The following HPSE2 variants were observed in gnomAD, a reference collection of about 807,000 sequenced individuals.
The protein encoded by HPSE2 is inactive heparanase-2.
HPSE2 carries 38 observed loss-of-function variants against 60.5 expected under a neutral mutation model. That is an observed-to-expected ratio of 0.63 (90% CI 0.48 to 0.82). HPSE2 has a LOEUF of 0.82. Among genes scored for constraint, HPSE2 ranks in the 40% least tolerant of loss-of-function variants. The pLI, the probability that HPSE2 is intolerant of heterozygous loss-of-function variation, is 0.00. For missense variants in HPSE2, 713 were observed against 740.4 expected, an observed-to-expected ratio of 0.96 and a Z score of 0.43; for synonymous variants, 295 against 293.2, an observed-to-expected ratio of 1.01 and a Z score of -0.06.
At chr10:99,133,258 C>T (rs1172213135) in intron 3 of HPSE2, among the ~76,000 whole-genome samples, 1 of 152,188 alleles carries the variant, frequency 6.6e-6, no homozygotes, top group African/African-American at 2.4e-5. Flanking sequence ...ATAGATAAAA[C>T]CCCCATCTCC....
rs370041551 is a variant in HPSE2 at position 98,685,215 on chromosome 10, C to T, written c.1004+8685G>A. ...ACTTTGGTACACTTCATCCTGAACA[C>T]GTCATCAGGCAAACCACTAATCAGA... is the stretch of plus-strand genomic sequence containing the variant. On this transcript the variant is annotated intron_variant, in intron 6 of 11. Transcript: ENST00000370552. Among the ~76,000 whole-genome samples the T allele has an allele frequency of 5.4e-4, 82 of 152,254 alleles. 2 individuals carry two copies. In the South Asian group the frequency reaches 0.016, roughly 30 times the overall value.
At chr10:99,200,342 G>C (rs966421607) in intron 2 of HPSE2, among the ~76,000 whole-genome samples, 2 of 152,020 alleles carry the variant, frequency 1.3e-5, no homozygotes, top group Admixed American at 6.5e-5. Flanking sequence ...CCTATAACCA[G>C]ATTTCTCGTT....
intron 3 of HPSE2, among the ~76,000 whole-genome samples, chr10:98,865,842 G>A (rs916113258): frequency 5.9e-5 from 9 of 152,072 alleles, no homozygotes; most frequent in Non-Finnish European, 8.8e-5. Flanking sequence ...CAGTTATGGA[G>A]AATATTAGCT....
chr10:98,899,371 TAAC>T (rs1212317357), intron 3 of HPSE2, among the ~76,000 whole-genome samples: 1 of 152,050 alleles, frequency 6.6e-6, no homozygotes, highest in African/African-American at 2.4e-5. Context: ...GAGAATGAAA[TAAC>T]AAGTAACACA....
At chr10:98,634,967 A>G (rs2134019422) in intron 7 of HPSE2, among the ~76,000 whole-genome samples, 2 of 152,312 alleles carry the variant, frequency 1.3e-5, no homozygotes, top group Admixed American at 1.3e-4. Context: ...TCACAAACTA[A>G]GGTGGGTACT....
intron 9 of HPSE2, among the ~76,000 whole-genome samples, chr10:98,542,856 T>C (rs1194171904): frequency 6.6e-6 from 1 of 152,190 alleles, no homozygotes; most frequent in Non-Finnish European, 1.5e-5. Context: ...GTCTGATTGG[T>C]GTACCTGAAA....
chr10:98,809,148 T>C (rs146047992), intron 3 of HPSE2, among the ~76,000 whole-genome samples: 1 of 152,260 alleles, frequency 6.6e-6, no homozygotes, highest in African/African-American at 2.4e-5. Context: ...CAAAGGTTCA[T>C]TTGCAAATAT....
chr10:99,201,177 T>A (rs1283449563), intron 2 of HPSE2, among the ~76,000 whole-genome samples: 2 of 152,178 alleles, frequency 1.3e-5, no homozygotes, highest in African/African-American at 4.8e-5. Flanking sequence ...ATGTCTCCCT[T>A]TCATACTGCA....
intron 3 of HPSE2, among the ~76,000 whole-genome samples, chr10:99,075,765 A>G (rs1286842920): frequency 3.9e-5 from 6 of 151,998 alleles, no homozygotes; most frequent in African/African-American, 1.4e-4. Context: ...TTACTCTTTT[A>G]TTATTATATA....
chr10:98,923,601 G>T lies in HPSE2; in HGVS notation c.611-179545C>A, dbSNP rs901664543. On this transcript the variant is annotated intron_variant, in intron 3 of 11. Transcript: ENST00000370552. ...TTCTTTTTTATTCTTTTTCCCTTTTGTCTCCTCTGACTGTGTATTTTCAAA... is the reference window on the plus strand; with the variant it reads ...TTCTTTTTTATTCTTTTTCCCTTTTTTCTCCTCTGACTGTGTATTTTCAAA... 7.3e-5 allele frequency among the ~76,000 whole-genome samples: 11 copies of T among 150,484 alleles called. No individual in the cohort carries two copies. The South Asian group carries it at 8.4e-4, about 11-fold the overall frequency.
chr10:99,270,635 T>A, the HPSE2 span, among the ~76,000 whole-genome samples: 1 of 152,180 alleles, frequency 6.6e-6, no homozygotes, highest in African/African-American at 2.4e-5. Flanking sequence ...AATTATTCTA[T>A]GAAGCCAGTA....
chr10:99,297,543 T>C, the HPSE2 span, among the ~76,000 whole-genome samples: 1 of 152,228 alleles, frequency 6.6e-6, no homozygotes, highest in African/African-American at 2.4e-5. Flanking sequence ...TCTGACTCCA[T>C]TGTATTGTTC....
chr10:99,279,236 G>A, the HPSE2 span, among the ~76,000 whole-genome samples: 1 of 152,270 alleles, frequency 6.6e-6, no homozygotes, highest in East Asian at 1.9e-4. Flanking sequence ...GCTCTTTACT[G>A]ATACCATGGA....
At chr10:98,712,586 T>A (rs1948700933) in intron 5 of HPSE2, among the ~76,000 whole-genome samples, 1 of 152,106 alleles carries the variant, frequency 6.6e-6, no homozygotes, top group South Asian at 2.1e-4. Flanking sequence ...GGATATAAAA[T>A]GGCAATTTTT....
At chr10:99,053,652 A>G (rs1425697731) in intron 3 of HPSE2, among the ~76,000 whole-genome samples, 2 of 151,504 alleles carry the variant, frequency 1.3e-5, no homozygotes, top group East Asian at 3.9e-4. Context: ...AAGAAAGGAA[A>G]CTAATGATGT....
intron 3 of HPSE2, among the ~76,000 whole-genome samples, chr10:98,990,998 C>G (rs1956509854): frequency 6.6e-6 from 1 of 152,206 alleles, no homozygotes; most frequent in Non-Finnish European, 1.5e-5. Context: ...TTAACTGTCT[C>G]TATAATTGAT....
At chr10:99,304,679 A>C in the HPSE2 span, among the ~76,000 whole-genome samples, 1 of 152,242 alleles carries the variant, frequency 6.6e-6, no homozygotes, top group Admixed American at 6.5e-5. Flanking sequence ...AAGGGTCTAA[A>C]GTGCTTTCAG....
intron 4 of HPSE2, among the ~76,000 whole-genome samples, chr10:98,734,056 G>A (rs774574482): frequency 3.3e-5 from 5 of 152,128 alleles, no homozygotes; most frequent in Non-Finnish European, 5.9e-5. Context: ...TCTACTTTCC[G>A]TCTCTGTAGA....
rs1284384002 is a variant in HPSE2 at position 98,466,623 on chromosome 10, AAAAAG to A, written c.1614-6889_1614-6885del. 5.3e-5 allele frequency among the ~76,000 whole-genome samples: 8 copies of A among 151,946 alleles called. No individual in the cohort carries two copies. In the East Asian group the frequency reaches 9.7e-4, roughly 18 times the overall value. On this transcript the variant is annotated intron_variant, in intron 11 of 11. Coordinates refer to ENST00000370552, the MANE Select transcript of HPSE2 (RefSeq NM_021828.5). Reference sequence around the variant, plus strand: ...GAGACTCCGTCTCAAAAAAAAAAAAAAAAAGAAAAGAAAATCAGTTCTGCCTCACC... The same window carrying A: ...GAGACTCCGTCTCAAAAAAAAAAAAAAAAAGAAAATCAGTTCTGCCTCACC...
Sources: gnomAD v4.1 joint callset for allele counts (sites outside exome capture counted in the v4.1 genomes callset) on GRCh38, gnomAD v4.1.1 for gene constraint, MANE v1.5 for transcripts, NCBI Gene and HGNC (gene_info 2026-07-23, HGNC 2026-07-21) for gene names.